The following SRMS variants were observed in gnomAD, a reference collection of about 807,000 sequenced individuals.
The protein encoded by SRMS is src-related kinase lacking C-terminal regulatory tyrosine and N-terminal myristylation sites, also known as tyrosine-protein kinase Srms.
SRMS carries 42 observed loss-of-function variants against 43.5 expected under a neutral mutation model. The ratio of observed to expected loss-of-function variants is 0.97; its 90% CI spans 0.75 to 1.25. The LOEUF is 1.25. SRMS is among the 50% of genes most tolerant of loss of function. The pLI is 0.00. For missense variants in SRMS, 703 were observed against 681.0 expected, an observed-to-expected ratio of 1.03 and a Z score of -0.36; for synonymous variants, 316 against 308.2, an observed-to-expected ratio of 1.03 and a Z score of -0.27.
At position 63,543,338 on chromosome 20, in the gene SRMS, G is replaced by A. The variant is rs1433174152; in HGVS notation, c.621C>T (p.Pro207=). 1.9e-6 allele frequency: 3 copies of A among 1,612,596 alleles called. No individual in the cohort carries two copies. The highest frequency in any genetic ancestry group is 2.5e-6 in the Non-Finnish European group (3 of 1,179,958). ...YKANWKLIQN[P]LLQPCMPQKA... ...CCTGGGGCATGCAGGGCTGCAGCAGGGGGTTCTGGATCAGCTTCCAGTTGG... is the reference window on the plus strand; with the variant it reads ...CCTGGGGCATGCAGGGCTGCAGCAGAGGGTTCTGGATCAGCTTCCAGTTGG... Residue 207 remains proline (P), a synonymous_variant, in exon 3 of 8, where the codon CCC becomes CCT. Transcript: ENST00000217188.
rs2069370121 is a variant in SRMS at position 63,539,965 on chromosome 20, A to G, written c.*853T>C. On this transcript the variant is annotated 3_prime_UTR_variant, in exon 8 of 8. Transcript: ENST00000217188. ...GAGATGGAATCGGCAGCTCCTGCCA[A>G]TGCCCTTGGGGCTCACGCTCTCTGG... Among the ~76,000 whole-genome samples, 1 of 152,200 alleles carries G rather than the reference A, an allele frequency of 6.6e-6. No individual in the cohort carries two copies. Among genetic ancestry groups the G allele is most frequent in the Non-Finnish European group, 1.5e-5 (1 of 68,032 alleles).
intron 3 of SRMS, among the ~76,000 whole-genome samples, chr20:63,543,047 C>T (rs1278599227): frequency 6.6e-6 from 1 of 152,172 alleles, no homozygotes; most frequent in African/African-American, 2.4e-5. Context: ...CTGGCTGCTC[C>T]CCTGCAGAGC....
rs756796758 is a variant in SRMS at position 63,542,511 on chromosome 20, C to T, written c.716G>A (p.Gly239Asp). The T allele has an allele frequency of 4.3e-6, 7 of 1,612,668 alleles. No homozygotes were observed. The highest frequency in any genetic ancestry group is 5.1e-6 in the Non-Finnish European group (6 of 1,179,888). ...GCCTTCCCACACCTCCCCAAAGTAG[C>T]CTTCACCCAGCTTCCTCCCAAGGGC... ...EFALGRKLGEGYFGEVWEGLW... is the reference protein window; with the variant it reads ...EFALGRKLGEDYFGEVWEGLW... Residue 239 changes from glycine (G) to aspartate (D), a missense_variant, in exon 4 of 8, where the codon GGC (glycine) becomes GAC (aspartate). Transcript: ENST00000217188.
intron 4 of SRMS, 58 bp from the exon 5 acceptor site, chr20:63,542,379 G>A: frequency 1.3e-6 from 2 of 1,598,168 alleles, no homozygotes; most frequent in Non-Finnish European, 1.7e-6. Flanking sequence ...ACTGCCCTGG[G>A]GCTTGAGGGT....
chr20:63,541,918 G>GC (rs148910476), intron 5 of SRMS, among the ~76,000 whole-genome samples: 4,324 of 152,228 alleles, frequency 0.028, 216 homozygotes, highest in African/African-American at 0.099. Flanking sequence ...ATGGGACCGC[G>GC]CCCCCCACCG....
Position 63,541,328 on chromosome 20 carries a change from C to A in SRMS, c.1148G>T (p.Ser383Ile). 3 of 1,542,456 alleles carry A rather than the reference C, an allele frequency of 1.9e-6. No individual in the cohort carries two copies. The highest frequency in any genetic ancestry group is 2.6e-6 in the Non-Finnish European group (3 of 1,146,692). ...RLLKDDIYSPSSSSKIPVKWT... is the reference protein window; with the variant it reads ...RLLKDDIYSPISSSKIPVKWT... ...CTTGACCGGGATCTTGGAGCTGCTGCTCGGGGAGTAGATGTCGTCCTGGGG... is the reference window on the plus strand; with the variant it reads ...CTTGACCGGGATCTTGGAGCTGCTGATCGGGGAGTAGATGTCGTCCTGGGG... The change falls in exon 7 of 8, where the codon AGC becomes ATC. Residue 383 changes from serine (S) to isoleucine (I), a missense_variant. Coordinates refer to ENST00000217188, the MANE Select transcript of SRMS (RefSeq NM_080823.4).
chr20:63,539,325 T>C lies in SRMS; in HGVS notation c.*1493A>G, dbSNP rs1362182374. Among the ~76,000 whole-genome samples the C allele has an allele frequency of 6.6e-6, 1 of 152,230 alleles. No homozygotes were observed. The highest frequency in any genetic ancestry group is 1.5e-5 in the Non-Finnish European group (1 of 68,030). ...CCGTTCTCGGAGCCTCCGAGTGGCC[T>C]CTTCCTTCCCCGGGGCCACCTGTCT... On this transcript the variant is annotated 3_prime_UTR_variant, in exon 8 of 8. Transcript: ENST00000217188.
chr20:63,547,010 G>T, intron 1 of SRMS, 98 bp downstream of exon 1: 2 of 1,107,024 alleles, frequency 1.8e-6, no homozygotes, highest in Non-Finnish European at 2.5e-6. Context: ...TGAACAGATA[G>T]CCACGGACAT....
chr20:63,543,675 G>A, intron 2 of SRMS, 195 bp from the exon 3 acceptor site: 2 of 618,838 alleles, frequency 3.2e-6, no homozygotes, highest in Non-Finnish European at 5.5e-6. Context: ...GAGCGGCCCA[G>A]GTTGGAGCTT....
In SRMS at chr20:63,541,524, T is replaced by A. The variant is rs1278026118; in HGVS notation, c.1043A>T (p.His348Leu). 3 of 1,602,180 alleles carry A rather than the reference T, an allele frequency of 1.9e-6. No individual in the cohort carries two copies. The African/African-American group carries it at 4.0e-5, about 21-fold the overall frequency. ...MSYLEEQRVV[H>L]RDLAARNVLV... ...CACGTTCCGGGCGGCCAAGTCCCGG[T>A]GCACAACGCGCTGCTCCTCCAGGTA... Residue 348 changes from histidine (H) to leucine (L), a missense_variant, in exon 6 of 8, where the codon CAC (histidine) becomes CTC (leucine). Physicochemically the swap from His to Leu is moderately conservative, Grantham distance 99. Coordinates refer to ENST00000217188, the MANE Select transcript of SRMS (RefSeq NM_080823.4).
In SRMS at chr20:63,540,746, C is replaced by T; in HGVS notation, c.*72G>A. On this transcript the variant is annotated 3_prime_UTR_variant, in exon 8 of 8. Coordinates refer to ENST00000217188, the MANE Select transcript of SRMS (RefSeq NM_080823.4). Reference sequence around the variant, plus strand: ...TCCTCGGTCCGGCAGACCGGCATCCCTTCGAGTTGGCGCTCTGCAGGGAGG... The same window carrying T: ...TCCTCGGTCCGGCAGACCGGCATCCTTTCGAGTTGGCGCTCTGCAGGGAGG... 1 of 1,505,112 alleles carries T rather than the reference C, an allele frequency of 6.6e-7. No individual in the cohort carries two copies. Among genetic ancestry groups the T allele is most frequent in the Non-Finnish European group, 8.8e-7 (1 of 1,130,238 alleles). 93.2% of individuals were successfully genotyped at this position (1,505,112 alleles called of 1,614,324 possible). A position where few individuals can be genotyped will look rare whatever the true frequency, so the allele number is the denominator to read the frequency against.
At chr20:63,546,879 G>A (rs6090452) in intron 1 of SRMS, among the ~76,000 whole-genome samples, 50 of 152,320 alleles carry the variant, frequency 3.3e-4, no homozygotes, top group African/African-American at 1.1e-3. Flanking sequence ...ACCTGACCAC[G>A]CCTGCCGGAG....
In SRMS at chr20:63,547,144, AC is replaced by A. The variant is rs765899888; in HGVS notation, c.319del (p.Val107TrpfsTer97). 5.0e-6 allele frequency: 8 copies of A among 1,605,904 alleles called. No homozygotes were observed. The African/African-American group carries it at 9.4e-5, about 19-fold the overall frequency. ...PSAGLVPITH[V>X]AKASPETLSD... ...GAGCGTCTCAGGAGAAGCCTTGGCC[AC>A]GTGGGTGATGGGCACGAGCCCGGCG... is the stretch of plus-strand genomic sequence containing the variant. On this transcript the variant is annotated frameshift_variant, in exon 1 of 8. Transcript: ENST00000217188. LOFTEE classifies it high-confidence loss of function.
rs933078864 is a variant in SRMS at position 63,540,264 on chromosome 20, G to T, written c.*554C>A. ...GCCTACATACCACACATCCAGTGGGGTCAACACCACGGTCTGCCTGGGAGT... is the reference window on the plus strand; with the variant it reads ...GCCTACATACCACACATCCAGTGGGTTCAACACCACGGTCTGCCTGGGAGT... On this transcript the variant is annotated 3_prime_UTR_variant, in exon 8 of 8. Coordinates refer to ENST00000217188, the MANE Select transcript of SRMS (RefSeq NM_080823.4). 6.6e-6 allele frequency among the ~76,000 whole-genome samples: 1 copy of T among 152,216 alleles called. No homozygotes were observed. The highest frequency in any genetic ancestry group is 2.1e-4 in the South Asian group (1 of 4,836).
At chr20:63,543,626 A>G (rs904076646) in intron 2 of SRMS, 146 bp from the exon 3 acceptor site, 9 of 1,011,698 alleles carry the variant, frequency 8.9e-6, no homozygotes, top group African/African-American at 1.6e-5. Context: ...TGTGTGGAGG[A>G]GGGAGTGTGG....
intron 3 of SRMS, 59 bp downstream of exon 3, chr20:63,543,255 C>T: frequency 1.9e-6 from 3 of 1,587,662 alleles, no homozygotes; most frequent in South Asian, 1.1e-5. Context: ...GGGAGGAGCA[C>T]CTAGAACAGG....
intron 3 of SRMS, 81 bp downstream of exon 3, chr20:63,543,233 T>C: frequency 6.5e-7 from 1 of 1,534,004 alleles, no homozygotes; most frequent in Non-Finnish European, 8.8e-7. Flanking sequence ...CCAGGGGTTT[T>C]GTGACGGGGT....
rs1355532979 is a variant in SRMS, at chr20:63,541,350, G to A, written c.1129-3C>T. ...CTGCTCGGGGAGTAGATGTCGTCCT[G>A]GGGGCGAGGGAAGGCCCCTGGTAGG... On this transcript the variant is annotated splice_polypyrimidine_tract_variant and splice_region_variant and intron_variant, in intron 6 of 7. Transcript: ENST00000217188. 1.0e-5 allele frequency: 16 copies of A among 1,541,610 alleles called. No homozygotes were observed. Among genetic ancestry groups the A allele is most frequent in the Admixed American group, 6.0e-5 (3 of 49,926 alleles).
In SRMS at chr20:63,542,075, G is replaced by A. The variant is rs1006402297; in HGVS notation, c.946+88C>T. The A allele has an allele frequency of 4.7e-5, 71 of 1,520,708 alleles. No homozygotes were observed. The East Asian group carries it at 1.2e-3, about 26-fold the overall frequency. 94.2% of individuals were successfully genotyped at this position (1,520,708 alleles called of 1,614,324 possible). A position where few individuals can be genotyped will look rare whatever the true frequency, so the allele number is the denominator to read the frequency against. ...CCGGTAGAGAGGCCCGGTTCACCTC[G>A]GAAACCCCGCAGGTTCAGCTCTGCG... On this transcript the variant is annotated intron_variant, in intron 5 of 7. Transcript: ENST00000217188.
Sources: allele counts gnomAD v4.1 joint callset (sites outside exome capture counted in the v4.1 genomes callset), GRCh38; gene constraint gnomAD v4.1.1; transcripts MANE v1.5; gene names NCBI Gene and HGNC (gene_info 2026-07-23, HGNC 2026-07-21).